Variants in ATRNL1 observed in about 807,000 individuals in gnomAD.
ATRNL1 encodes attractin-like protein 1.
ATRNL1 carries 95 observed loss-of-function variants against 182.7 expected under a neutral mutation model. That is an observed-to-expected ratio of 0.52 (90% CI 0.44 to 0.62). The LOEUF is 0.62. Ranked by LOEUF, ATRNL1 falls within the 20% of genes least tolerant of loss-of-function variation. The pLI, the probability that ATRNL1 is intolerant of heterozygous loss-of-function variation, is 0.00. For missense variants in ATRNL1, 1,471 were observed against 1,679.5 expected (o/e 0.88, Z 2.17); for synonymous variants, 576 against 568.3 (o/e 1.01, Z -0.19).
At chr10:115,613,920 C>T (rs190767078) in intron 26 of ATRNL1, among the ~76,000 whole-genome samples, 5 of 151,918 alleles carry the variant, frequency 3.3e-5, no homozygotes, top group Admixed American at 1.3e-4. Flanking sequence ...TTTTTTCTTA[C>T]TCTAACTAAT....
chr10:115,153,807 T>C (rs1246304463), intron 5 of ATRNL1, among the ~76,000 whole-genome samples: 4 of 152,200 alleles, frequency 2.6e-5, no homozygotes, highest in African/African-American at 7.2e-5. Context: ...TTAATTGTGA[T>C]GTTAGGGTGT....
intron 27 of ATRNL1, among the ~76,000 whole-genome samples, chr10:115,839,334 G>A (rs991713494): frequency 3.9e-5 from 6 of 152,092 alleles, no homozygotes; most frequent in Non-Finnish European, 8.8e-5. Context: ...TTCCATCCGA[G>A]CATCTCAGCA....
intron 26 of ATRNL1, among the ~76,000 whole-genome samples, chr10:115,561,704 G>GGGGTGTGT (rs1554999765): frequency 0.012 from 1,713 of 145,002 alleles, 27 homozygotes; most frequent in African/African-American, 0.033. Flanking sequence ...TGTGTGTGTG[G>GGGGTGTGT]GTGTGTGTGT....
chr10:115,372,756 G>GCTTTT (rs1857462983), intron 19 of ATRNL1, among the ~76,000 whole-genome samples: 1 of 152,022 alleles, frequency 6.6e-6, no homozygotes, highest in Non-Finnish European at 1.5e-5. Context: ...CTGGTATCAT[G>GCTTTT]GTGTTCTGAT....
chr10:115,336,220 A>G (rs75477397), intron 19 of ATRNL1, among the ~76,000 whole-genome samples: 1,959 of 152,222 alleles, frequency 0.013, 36 homozygotes, highest in African/African-American at 0.044. Flanking sequence ...CTCGCTCTTA[A>G]CTGTTAATGC....
chr10:115,259,495 G>A (rs1448188525), intron 10 of ATRNL1, among the ~76,000 whole-genome samples: 1 of 152,192 alleles, frequency 6.6e-6, no homozygotes, highest in Non-Finnish European at 1.5e-5. Flanking sequence ...TTGGGTGGGA[G>A]TGTCCCGTTT....
intron 27 of ATRNL1, among the ~76,000 whole-genome samples, chr10:115,790,269 A>C (rs950600754): frequency 1.3e-3 from 190 of 151,704 alleles, no homozygotes; most frequent in African/African-American, 4.4e-3. Flanking sequence ...AAAAAAAAAA[A>C]AACTCTTATT....
chr10:115,337,379 A>G (rs1306508306), intron 19 of ATRNL1, among the ~76,000 whole-genome samples: 2 of 152,158 alleles, frequency 1.3e-5, no homozygotes, highest in African/African-American at 2.4e-5. Flanking sequence ...TTTAAAATGT[A>G]CAATTAAGTT....
chr10:115,547,759 A>G (rs73373387), intron 25 of ATRNL1, among the ~76,000 whole-genome samples: 1 of 152,160 alleles, frequency 6.6e-6, no homozygotes, highest in Non-Finnish European at 1.5e-5. Context: ...GGTATTGTCA[A>G]TTGAGAAGTT....
chr10:115,613,060 T>C (rs539623433), intron 26 of ATRNL1, among the ~76,000 whole-genome samples: 226 of 152,342 alleles, frequency 1.5e-3, no homozygotes, highest in Non-Finnish European at 2.8e-3. Flanking sequence ...AAAAACACTT[T>C]AGCAAAATGG....
At chr10:115,206,957 C>A (rs142505057) in intron 8 of ATRNL1, among the ~76,000 whole-genome samples, 4 of 152,036 alleles carry the variant, frequency 2.6e-5, no homozygotes, top group African/African-American at 9.7e-5. Flanking sequence ...TCTGTCCTTA[C>A]GATAGTTTGC....
intron 26 of ATRNL1, among the ~76,000 whole-genome samples, chr10:115,697,799 A>G (rs1043664670): frequency 1.3e-5 from 2 of 152,156 alleles, no homozygotes; most frequent in African/African-American, 2.4e-5. Context: ...AGCATTTTTT[A>G]TAACTAAGAA....
intron 26 of ATRNL1, among the ~76,000 whole-genome samples, chr10:115,726,979 A>G (rs572346292): frequency 7.2e-5 from 11 of 151,970 alleles, no homozygotes; most frequent in Non-Finnish European, 1.6e-4. Context: ...AGGCTTTCAG[A>G]GTGCTTTTGA....
intron 28 of ATRNL1, among the ~76,000 whole-genome samples, chr10:115,929,638 A>G (rs1555121102): frequency 2.0e-5 from 3 of 152,078 alleles, no homozygotes. Context: ...ACGGAGGACC[A>G]TTATAATTTT....
chr10:115,539,648 T>C (rs1158672214), intron 25 of ATRNL1, among the ~76,000 whole-genome samples: 1 of 152,160 alleles, frequency 6.6e-6, no homozygotes, highest in African/African-American at 2.4e-5. Flanking sequence ...GAGACCTCCC[T>C]CCCATTTTTT....
At chr10:115,664,152 C>T (rs1212015820) in intron 26 of ATRNL1, among the ~76,000 whole-genome samples, 1 of 152,146 alleles carries the variant, frequency 6.6e-6, no homozygotes, top group Non-Finnish European at 1.5e-5. Context: ...GAGATGTTCC[C>T]CACAGCTTCT....
At chr10:115,230,966 A>C (rs1417474041) in intron 9 of ATRNL1, among the ~76,000 whole-genome samples, 1 of 151,072 alleles carries the variant, frequency 6.6e-6, no homozygotes, top group African/African-American at 2.4e-5. Context: ...TGGCTTGAAG[A>C]CCTGAAAGCA....
At chr10:115,620,500 A>C (rs1390811003) in intron 26 of ATRNL1, among the ~76,000 whole-genome samples, 2 of 152,206 alleles carry the variant, frequency 1.3e-5, no homozygotes, top group Non-Finnish European at 2.9e-5. Flanking sequence ...TTTTAGAGAC[A>C]AATATAAAAC....
At chr10:115,239,869 C>T (rs150820928) in intron 9 of ATRNL1, among the ~76,000 whole-genome samples, 1 of 152,268 alleles carries the variant, frequency 6.6e-6, no homozygotes, top group African/African-American at 2.4e-5. Flanking sequence ...AACAGAGCTT[C>T]TGTAACCCAG....
Sources: gnomAD v4.1 joint callset for allele counts (sites outside exome capture counted in the v4.1 genomes callset) on GRCh38, gnomAD v4.1.1 for gene constraint, MANE v1.5 for transcripts, NCBI Gene and HGNC (gene_info 2026-07-23, HGNC 2026-07-21) for gene names.